CAPN15: variants seen among roughly 807,000 people sequenced by gnomAD.
CAPN15 encodes calpain 15.
Under a neutral mutation model 97.9 loss-of-function variants are expected in CAPN15, and 53 were observed. The observed-to-expected ratio is 0.54, with a 90% CI of 0.43 to 0.68. The LOEUF (loss-of-function observed/expected upper bound fraction) is 0.68, where lower values mean the gene tolerates loss of function less well. Ranked by LOEUF, CAPN15 falls within the 30% of genes least tolerant of loss-of-function variation. The pLI is 0.00. For missense variants in CAPN15, 1,592 were observed against 1,589.8 expected (o/e 1.00, Z -0.02); for synonymous variants, 922 against 722.5 (o/e 1.28, Z -4.43).
chr16:553,749 A>C lies in CAPN15; in HGVS notation c.*233A>C. 2.5e-6 allele frequency: 1 copy of C among 396,446 alleles called. No homozygotes were observed. The highest frequency in any genetic ancestry group is 4.5e-6 in the Non-Finnish European group (1 of 221,224). The allele number at this position is 396,446 out of a possible 1,614,324, so 24.6% of individuals were successfully genotyped here. On this transcript the variant is annotated 3_prime_UTR_variant, in exon 14 of 14. Coordinates refer to ENST00000219611, the MANE Select transcript of CAPN15 (RefSeq NM_005632.3). ...GCCGCCACGCAGAATACCTCGAACCAGGCGGGCTGTGAACCAGCCCCGCTC... is the reference window on the plus strand; with the variant it reads ...GCCGCCACGCAGAATACCTCGAACCCGGCGGGCTGTGAACCAGCCCCGCTC...
At chr16:530,408 G>A (rs980252832) in intron 1 of CAPN15, among the ~76,000 whole-genome samples, 1 of 152,234 alleles carries the variant, frequency 6.6e-6, no homozygotes, top group Non-Finnish European at 1.5e-5. Context: ...GCAGCCCAGG[G>A]GGACTCCTGC....
At chr16:528,653 C>T in intron 1 of CAPN15, 2 of 884,894 alleles carry the variant, frequency 2.3e-6, no homozygotes, top group Non-Finnish European at 2.7e-6. Context: ...CTTGTGTGGT[C>T]AGCTGGCCCT....
chr16:542,907 T>G (rs143406522), intron 3 of CAPN15, among the ~76,000 whole-genome samples: 2 of 152,100 alleles, frequency 1.3e-5, no homozygotes, highest in African/African-American at 4.8e-5. Flanking sequence ...AAAAATTAGC[T>G]GGGCGTGGTG....
At position 554,233 on chromosome 16, in the gene CAPN15, G is replaced by A. The variant is rs1378031939; in HGVS notation, c.*717G>A. 6.9e-5 allele frequency: 22 copies of A among 321,110 alleles called. No individual in the cohort carries two copies. The highest frequency in any genetic ancestry group is 4.8e-4 in the East Asian group (6 of 12,454). 19.9% of individuals were successfully genotyped at this position (321,110 alleles called of 1,614,324 possible). On this transcript the variant is annotated 3_prime_UTR_variant, in exon 14 of 14. Transcript: ENST00000219611. ...GGCTCCTCAGCCAACCCTGTCCCTC[G>A]GCCCGGCCCTGCCAGAGAGGGACCC...
At position 552,408 on chromosome 16, in the gene CAPN15, G is replaced by A. The variant is rs2035155805; in HGVS notation, c.2615G>A (p.Ser872Asn). The A allele has an allele frequency of 6.2e-7, 1 of 1,608,870 alleles. No homozygotes were observed. Among genetic ancestry groups the A allele is most frequent in the South Asian group, 1.1e-5 (1 of 90,980 alleles). ...AGCCTGGGCCGCCTCCTGGCCCACA[G>A]TAAGCGCGCGGTCAAGAAGTTCGTC... ...HLSLGRLLAHSKRAVKKFVSC... is the reference protein window; with the variant it reads ...HLSLGRLLAHNKRAVKKFVSC... The change falls in exon 11 of 14, where the codon AGT becomes AAT. Residue 872 changes from serine (S) to asparagine (N), a missense_variant. By Grantham distance (46) the Ser-to-Asn change is conservative. Coordinates refer to ENST00000219611, the MANE Select transcript of CAPN15 (RefSeq NM_005632.3). This position sits in a 1 kb window ranked among gnomAD's most constrained non-coding sequence, Gnocchi z 6.4.
In CAPN15 at chr16:554,557, C is replaced by T. The variant is rs975617081; in HGVS notation, c.*1041C>T. The T allele has an allele frequency of 2.2e-5, 10 of 456,146 alleles. No homozygotes were observed. Among genetic ancestry groups the T allele is most frequent in the Admixed American group, 9.4e-5 (4 of 42,552 alleles). The allele number at this position is 456,146 out of a possible 1,614,324, so 28.3% of individuals were successfully genotyped here. ...AGACTATTTTATCAATTGTCAGTCC[C>T]GTTCCTTTACCATAGGATTCTCCAC... On this transcript the variant is annotated 3_prime_UTR_variant, in exon 14 of 14. Transcript: ENST00000219611.
At chr16:549,963 G>C (rs1170911413) in intron 7 of CAPN15, 125 bp downstream of exon 7, 13 of 765,138 alleles carry the variant, frequency 1.7e-5, no homozygotes, top group Non-Finnish European at 2.6e-5. Context: ...GGCGTGGGCT[G>C]ACCCCGCGTG....
At position 547,617 on chromosome 16, in the gene CAPN15, C is replaced by G; in HGVS notation, c.779C>G (p.Pro260Arg). The G allele has an allele frequency of 6.4e-7, 1 of 1,571,056 alleles. No homozygotes were observed. Among genetic ancestry groups the G allele is most frequent in the Non-Finnish European group, 8.6e-7 (1 of 1,160,200 alleles). Residue 260 changes from proline (P) to arginine (R), a missense_variant, in exon 4 of 14, where the codon CCT becomes CGT. This residue lies in a region of CAPN15 where 883 missense variants were observed against 776.6 expected (regional missense o/e 1.14). Coordinates refer to ENST00000219611, the MANE Select transcript of CAPN15 (RefSeq NM_005632.3). ...CCCCCCCAGCTGCAGCCACCGGTGCCTGAGGCTGCCCAGCCGTCACCCTCT... is the reference window on the plus strand; with the variant it reads ...CCCCCCCAGCTGCAGCCACCGGTGCGTGAGGCTGCCCAGCCGTCACCCTCT... ...EVPPQLQPPV[P>R]EAAQPSPSAG...
chr16:550,884 G>A (rs563066998), intron 7 of CAPN15, among the ~76,000 whole-genome samples: 4 of 125,070 alleles, frequency 3.2e-5, no homozygotes, highest in Admixed American at 7.5e-5. Context: ...GTCCCCTGTC[G>A]GTGAGGTCCC....
chr16:551,942 G>T, intron 9 of CAPN15, 109 bp from the exon 10 acceptor site: 1 of 1,227,362 alleles, frequency 8.1e-7, no homozygotes, highest in South Asian at 1.3e-5. Context: ...GGACGGTGAC[G>T]GAGCAGCTGG....
At chr16:531,797 C>CCCAGGGCCACACGGCTCCCAAGG (rs2033284296) in intron 1 of CAPN15, among the ~76,000 whole-genome samples, 1 of 152,166 alleles carries the variant, frequency 6.6e-6, no homozygotes, top group African/African-American at 2.4e-5. Flanking sequence ...GTGACAGGTG[C>CCCAGGGCCACACGGCTCCCAAGG]CCCCTGTGTC....
rs1286291032 is a variant in CAPN15, at chr16:535,154, G to A, written c.-136-875G>A. 6.6e-6 allele frequency among the ~76,000 whole-genome samples: 1 copy of A among 152,112 alleles called. No individual in the cohort carries two copies. Among genetic ancestry groups the A allele is most frequent in the Non-Finnish European group, 1.5e-5 (1 of 68,004 alleles). ...GGAGGTGCCTTTGCCTGCATCCACT[G>A]GAGCCTCAGGAGCATGCGTTCCGTC... On this transcript the variant is annotated intron_variant, in intron 2 of 13. Coordinates refer to ENST00000219611, the MANE Select transcript of CAPN15 (RefSeq NM_005632.3). The surrounding 1 kb of genome is among the most constrained non-coding windows in gnomAD (Gnocchi z 6.2).
chr16:554,601 C>T lies in CAPN15; in HGVS notation c.*1085C>T. On this transcript the variant is annotated 3_prime_UTR_variant, in exon 14 of 14. Transcript: ENST00000219611. ...TCTCCACAGTGGCTTCCGACTCAGG[C>T]TCCAATGGACCAAATAAAAGCGTTT... 2 of 456,252 alleles carry T rather than the reference C, an allele frequency of 4.4e-6. No homozygotes were observed. The highest frequency in any genetic ancestry group is 8.8e-6 in the Non-Finnish European group (2 of 226,742). 28.3% of individuals were successfully genotyped at this position (456,252 alleles called of 1,614,324 possible).
At position 552,502 on chromosome 16, in the gene CAPN15, G is replaced by A. The variant is rs57102163; in HGVS notation, c.2709G>A (p.Pro903=). ...GCTGCGCCTTCAACCACTGGGGGCCGCCCCTGCCGGGCACCCCTGCCCCCC... is the reference window on the plus strand; with the variant it reads ...GCTGCGCCTTCAACCACTGGGGGCCACCCCTGCCGGGCACCCCTGCCCCCC... The part of the protein sequence containing the change: ...VVCCAFNHWG[P]PLPGTPAPQA... The change falls in exon 11 of 14, where the codon CCG becomes CCA. Residue 903 remains proline, a synonymous_variant. Coordinates refer to ENST00000219611, the MANE Select transcript of CAPN15 (RefSeq NM_005632.3). This position sits in a 1 kb window ranked among gnomAD's most constrained non-coding sequence, Gnocchi z 6.4. 183 of 1,605,072 alleles carry A rather than the reference G, an allele frequency of 1.1e-4. 1 individual carries two copies. Among genetic ancestry groups the A allele is most frequent in the Middle Eastern group, 5.0e-4 (3 of 6,054 alleles).
At chr16:532,900 T>C (rs2033375068) in intron 1 of CAPN15, among the ~76,000 whole-genome samples, 1 of 147,430 alleles carries the variant, frequency 6.8e-6, no homozygotes, top group African/African-American at 2.5e-5. Flanking sequence ...TGGACACACC[T>C]GCACACCATC....
chr16:548,910 G>A (rs777206938), intron 4 of CAPN15, 83 bp from the exon 5 acceptor site: 42 of 1,281,070 alleles, frequency 3.3e-5, no homozygotes, highest in Admixed American at 6.8e-5. Flanking sequence ...GCTTTTGGGC[G>A]CTCTCCTGGG....
intron 3 of CAPN15, 64 bp from the exon 4 acceptor site, chr16:546,753 G>A: frequency 1.3e-6 from 2 of 1,488,090 alleles, no homozygotes; most frequent in Middle Eastern, 2.4e-4. Context: ...CAGGCCGAGA[G>A]GAGGGTGGGG....
At chr16:531,610 CCTT>C (rs142488143) in intron 1 of CAPN15, among the ~76,000 whole-genome samples, 1,774 of 145,572 alleles carry the variant, frequency 0.012, 39 homozygotes, top group African/African-American at 0.048. Context: ...GCCCCCGTCT[CCTT>C]CTCTGGGGTG....
Position 549,026 on chromosome 16 carries a change from C to T in CAPN15, c.1483C>T (p.Pro495Ser). 5.6e-6 allele frequency: 9 copies of T among 1,612,762 alleles called. No homozygotes were observed. Among genetic ancestry groups the T allele is most frequent in the Non-Finnish European group, 7.6e-6 (9 of 1,179,926 alleles). ...GAGCTTCGTGGATGACAGCTTCCCT[C>T]CCGGGCCCGAGTCTGTCGGCTTCCC... ...NVSFVDDSFP[P>S]GPESVGFPAG... The change falls in exon 5 of 14, where the codon CCC (proline) becomes TCC (serine). Residue 495 changes from proline to serine, a missense_variant. Transcript: ENST00000219611.
Sources: allele counts gnomAD v4.1 joint callset (sites outside exome capture counted in the v4.1 genomes callset), GRCh38; gene constraint gnomAD v4.1.1; regional missense constraint gnomAD v4.1.1; non-coding constraint Gnocchi (gnomAD v3.1); transcripts MANE v1.5; gene names NCBI Gene and HGNC (gene_info 2026-07-23, HGNC 2026-07-21).